The following KCNG2 variants were observed in gnomAD, a reference collection of about 807,000 sequenced individuals.
The protein encoded by KCNG2 is voltage-gated potassium channel regulatory subunit KCNG2.
In KCNG2, 7 loss-of-function variants were observed where a neutral mutation model predicts 12.3. That is an observed-to-expected ratio of 0.57 (90% CI 0.32 to 1.07). The LOEUF (loss-of-function observed/expected upper bound fraction) is 1.07. Ranked by LOEUF, KCNG2 falls within the 50% of genes least tolerant of loss-of-function variation. KCNG2 has a pLI of 0.04. For missense variants in KCNG2, 703 were observed against 726.0 expected (o/e 0.97, Z 0.36); for synonymous variants, 414 against 351.4 (o/e 1.18, Z -1.99).
At chr18:79,806,117 C>G (rs1322813590) in intron 1 of KCNG2, among the ~76,000 whole-genome samples, 3 of 152,212 alleles carry the variant, frequency 2.0e-5, no homozygotes, top group Non-Finnish European at 2.9e-5. Flanking sequence ...CAGCAGGTCT[C>G]AATCTCGCCC....
At chr18:79,894,223 T>C (rs1980858500) in intron 3 of KCNG2, among the ~76,000 whole-genome samples, 1 of 152,172 alleles carries the variant, frequency 6.6e-6, no homozygotes, top group African/African-American at 2.4e-5. Context: ...CTTCACTCCA[T>C]TCACATCTAA....
At chr18:79,866,400 TGCTGAGG>T (rs1460672359) in intron 3 of KCNG2, among the ~76,000 whole-genome samples, 197 of 121,220 alleles carry the variant, frequency 1.6e-3, no homozygotes, top group Non-Finnish European at 1.8e-3. Context: ...GAGGTCTGGG[TGCTGAGG>T]TCTGGGTGCT....
chr18:79,893,789 C>T (rs1376198977), intron 3 of KCNG2, among the ~76,000 whole-genome samples: 2 of 151,256 alleles, frequency 1.3e-5, no homozygotes, highest in African/African-American at 4.9e-5. Context: ...CCGTTCATAA[C>T]GATTGAAATA....
At chr18:79,850,153 G>A (rs1401939349) in intron 1 of KCNG2, among the ~76,000 whole-genome samples, 2 of 152,194 alleles carry the variant, frequency 1.3e-5, no homozygotes, top group Non-Finnish European at 2.9e-5. Context: ...CCAGACAGCC[G>A]AAGCCCCTCC....
intron 3 of KCNG2, among the ~76,000 whole-genome samples, chr18:79,888,612 T>C (rs569525177): frequency 5.3e-4 from 81 of 152,360 alleles, no homozygotes; most frequent in Admixed American, 5.2e-3. Flanking sequence ...GTTTCCCTGA[T>C]GACCAGTGAT....
chr18:79,852,228 C>G (rs1271158776), intron 1 of KCNG2, among the ~76,000 whole-genome samples: 1 of 152,204 alleles, frequency 6.6e-6, no homozygotes, highest in Non-Finnish European at 1.5e-5. Flanking sequence ...TTCGGGGAAG[C>G]GCGCTCCCAT....
chr18:79,841,563 A>G lies in KCNG2; in HGVS notation c.-114-14816A>G, dbSNP rs141217291. ...AAAACTCTCAAAACTCAACAGCAAAATAACAATCCAAATAGAAAATGAGCA... is the reference window on the plus strand; with the variant it reads ...AAAACTCTCAAAACTCAACAGCAAAGTAACAATCCAAATAGAAAATGAGCA... On this transcript the variant is annotated intron_variant, in intron 1 of 3. Transcript: ENST00000316249. 8.9e-4 allele frequency among the ~76,000 whole-genome samples: 135 copies of G among 152,348 alleles called. 1 individual carries two copies. The highest frequency in any genetic ancestry group is 3.0e-3 in the African/African-American group (125 of 41,582).
chr18:79,816,112 G>GTAC (rs1327573914), intron 1 of KCNG2: 1 of 152,222 alleles, frequency 6.6e-6, no homozygotes, highest in Admixed American at 6.5e-5. Flanking sequence ...ACAAACTGAT[G>GTAC]TAGAGAAAAA....
Position 79,899,826 on chromosome 18 carries a change from C to A in KCNG2, c.*10C>A. 7.4e-7 allele frequency: 1 copy of A among 1,356,424 alleles called. No individual in the cohort carries two copies. Among genetic ancestry groups the A allele is most frequent in the East Asian group, 3.0e-5 (1 of 33,006 alleles). 84.0% of individuals were successfully genotyped at this position (1,356,424 alleles called of 1,614,324 possible). ...GCGGGCAGGGCGCTGACGCCTGCGC[C>A]GCCCACACGGAGACCCCCTGCCCCC... On this transcript the variant is annotated 3_prime_UTR_variant, in exon 4 of 4. Transcript: ENST00000316249.
chr18:79,816,799 G>A (rs190368945), intron 1 of KCNG2, among the ~76,000 whole-genome samples: 15 of 152,338 alleles, frequency 9.8e-5, no homozygotes, highest in Admixed American at 3.9e-4. Context: ...TCTGGGGTTA[G>A]CAGAGAAAGA....
chr18:79,863,500 G>A (rs1489163898), intron 2 of KCNG2, among the ~76,000 whole-genome samples, 128 bp from the exon 3 acceptor site: 1 of 152,226 alleles, frequency 6.6e-6, no homozygotes. Context: ...GTGGGAAGTG[G>A]GCGGGCGGAG....
At chr18:79,799,958 C>T (rs1446863533) in intron 1 of KCNG2, among the ~76,000 whole-genome samples, 1 of 152,102 alleles carries the variant, frequency 6.6e-6, no homozygotes, top group Non-Finnish European at 1.5e-5. Context: ...TGGGTTTTGC[C>T]CTGGTGAAAA....
chr18:79,859,010 A>G (rs1490824847), intron 2 of KCNG2, among the ~76,000 whole-genome samples: 1 of 151,264 alleles, frequency 6.6e-6, no homozygotes, highest in African/African-American at 2.4e-5. Flanking sequence ...TTTTTTTTCC[A>G]CCGTTACTTG....
At chr18:79,880,365 A>G (rs1398838985) in intron 3 of KCNG2, among the ~76,000 whole-genome samples, 1 of 152,038 alleles carries the variant, frequency 6.6e-6, no homozygotes, top group African/African-American at 2.4e-5. Flanking sequence ...TGATAAGACA[A>G]AAATTAACTT....
intron 1 of KCNG2, among the ~76,000 whole-genome samples, chr18:79,834,095 C>A (rs1298384852): frequency 6.6e-6 from 1 of 152,186 alleles, no homozygotes; most frequent in Non-Finnish European, 1.5e-5. Context: ...TTTAAAACCC[C>A]TTCACGTTAA....
chr18:79,848,542 G>A (rs1404923276), intron 1 of KCNG2, among the ~76,000 whole-genome samples: 1 of 152,218 alleles, frequency 6.6e-6, no homozygotes, highest in East Asian at 1.9e-4. Flanking sequence ...CACCCTAGGG[G>A]CCTTGTCTTA....
chr18:79,864,355 C>A, intron 3 of KCNG2, 64 bp downstream of exon 3: 2 of 80,348 alleles, frequency 2.5e-5, no homozygotes, highest in South Asian at 1.2e-4. Flanking sequence ...ATCTGGGCTG[C>A]GGGGAGGTGG....
At chr18:79,834,636 T>C (rs375455838) in intron 1 of KCNG2, among the ~76,000 whole-genome samples, 87 of 152,322 alleles carry the variant, frequency 5.7e-4, no homozygotes, top group African/African-American at 2.1e-3. Context: ...GAAACCAGTG[T>C]ATCAAGTGAA....
intron 3 of KCNG2, among the ~76,000 whole-genome samples, chr18:79,874,445 A>T (rs1979986122): frequency 6.6e-6 from 1 of 152,224 alleles, no homozygotes; most frequent in Non-Finnish European, 1.5e-5. Context: ...ACACACACTT[A>T]CTGCGCGTCA....
Sources: allele counts gnomAD v4.1 joint callset (sites outside exome capture counted in the v4.1 genomes callset), GRCh38; gene constraint gnomAD v4.1.1; transcripts MANE v1.5; gene names NCBI Gene and HGNC (gene_info 2026-07-23, HGNC 2026-07-21).